The following PAK3 variants were observed in gnomAD, a reference collection of about 807,000 sequenced individuals.
PAK3 encodes p21 (RAC1) activated kinase 3.
In PAK3, 4 loss-of-function variants were observed where a neutral mutation model predicts 41.0. That is an observed-to-expected ratio of 0.10 (90% confidence interval 0.05 to 0.22). The LOEUF (loss-of-function observed/expected upper bound fraction) is 0.22. Among genes scored for constraint, PAK3 ranks in the 10% least tolerant of loss-of-function variants. The pLI, the probability that PAK3 is intolerant of heterozygous loss-of-function variation, is 1.00. For synonymous variants in PAK3, 146 were observed against 139.6 expected (o/e 1.05, Z -0.32); for missense variants, 205 against 409.9 (o/e 0.50, Z 4.32).
At chrX:111,131,726 G>A (rs1487207300) in intron 5 of PAK3, among the ~76,000 whole-genome samples, 2 of 111,977 alleles carry the variant, frequency 1.8e-5, no homozygotes, top group Non-Finnish European at 3.8e-5. Flanking sequence ...CCCCCAAACA[G>A]GATGTTTGTT....
At chrX:110,963,348 A>G (rs1028582684) in intron 1 of PAK3, among the ~76,000 whole-genome samples, 1 of 112,126 alleles carries the variant, frequency 8.9e-6, no homozygotes, top group Non-Finnish European at 1.9e-5. Context: ...CTTTGTTCTC[A>G]GGGCAGCTTA....
At chrX:111,165,690 A>G (rs1276857610) in intron 10 of PAK3, among the ~76,000 whole-genome samples, 1 of 112,675 alleles carries the variant, frequency 8.9e-6, no homozygotes, top group African/African-American at 3.2e-5. Context: ...ATGTGATTAT[A>G]TCAGATTTTA....
At chrX:111,188,799 A>G (rs1007109625) in intron 11 of PAK3, among the ~76,000 whole-genome samples, 8 of 112,525 alleles carry the variant, frequency 7.1e-5, no homozygotes, top group African/African-American at 2.3e-4. Context: ...GTAATTCTCT[A>G]CAGCCCTGTG....
chrX:111,051,397 G>T (rs914209568), intron 1 of PAK3, among the ~76,000 whole-genome samples: 2 of 111,999 alleles, frequency 1.8e-5, no homozygotes, highest in Non-Finnish European at 3.8e-5. Context: ...TTCACTGGAA[G>T]AATTTAATTT....
intron 7 of PAK3, among the ~76,000 whole-genome samples, chrX:111,151,583 A>T (rs2094027013): frequency 1.8e-5 from 2 of 112,048 alleles, no homozygotes; most frequent in South Asian, 7.5e-4. Flanking sequence ...CCACTTATCC[A>T]TGTGGAATAT....
intron 1 of PAK3, among the ~76,000 whole-genome samples, chrX:111,078,271 G>T (rs1248892335): frequency 4.1e-4 from 39 of 94,612 alleles, no homozygotes; most frequent in African/African-American, 9.9e-4. Flanking sequence ...GTTTTGTTTT[G>T]TTTTTTTTTT....
At chrX:111,172,333 C>G (rs781656909) in intron 10 of PAK3, among the ~76,000 whole-genome samples, 3 of 111,602 alleles carry the variant, frequency 2.7e-5, no homozygotes, top group Non-Finnish European at 5.7e-5. Context: ...TGAGCCTGAG[C>G]ACATTTTTGT....
chrX:111,085,154 T>G (rs1340776387), intron 1 of PAK3, among the ~76,000 whole-genome samples: 1 of 112,288 alleles, frequency 8.9e-6, no homozygotes, highest in Admixed American at 9.5e-5. Context: ...TTTGATTGTT[T>G]AAACACGACA....
At chrX:111,181,278 A>G (rs1603358464) in intron 11 of PAK3, among the ~76,000 whole-genome samples, 1 of 88,685 alleles carries the variant, frequency 1.1e-5, no homozygotes, top group Non-Finnish European at 2.0e-5. Flanking sequence ...CTATGCAGCT[A>G]TGTTTGACAG....
chrX:111,021,442 A>C (rs1296074341), intron 1 of PAK3, among the ~76,000 whole-genome samples: 1 of 111,890 alleles, frequency 8.9e-6, no homozygotes, highest in East Asian at 2.8e-4. Context: ...AGCAAAAACA[A>C]ATCACTACAG....
intron 1 of PAK3, among the ~76,000 whole-genome samples, chrX:111,057,371 C>A (rs2092613306): frequency 8.9e-6 from 1 of 111,780 alleles, no homozygotes; most frequent in Admixed American, 9.5e-5. Context: ...AATTAAGGTT[C>A]CATGTCTGTT....
intron 16 of PAK3, among the ~76,000 whole-genome samples, chrX:111,197,805 G>A (rs1370259836): frequency 9.0e-6 from 1 of 111,004 alleles, no homozygotes; most frequent in Admixed American, 9.5e-5. Context: ...CAAGTGATTA[G>A]TGCCTCAGCC....
At chrX:110,973,233 G>A (rs1052777776) in intron 1 of PAK3, among the ~76,000 whole-genome samples, 1 of 111,262 alleles carries the variant, frequency 9.0e-6, no homozygotes, top group African/African-American at 3.3e-5. Context: ...GATACTCCTA[G>A]AGAAGAGCAA....
chrX:111,214,264 G>T (rs1247696418), intron 16 of PAK3, among the ~76,000 whole-genome samples: 2 of 111,926 alleles, frequency 1.8e-5, no homozygotes, highest in East Asian at 2.8e-4. Context: ...GAGTTATTAT[G>T]TGTGAATTGG....
rs112477053 is a variant in PAK3 at position 111,216,357 on chromosome X, G to A, written c.1408-64G>A. The A allele has an allele frequency of 0.011, 9,013 of 849,246 alleles. 502 individuals carry two copies. The African/African-American group carries it at 0.15, about 15-fold the overall frequency. 70.0% of individuals were successfully genotyped at this position (849,246 alleles called of 1,213,427 possible). ...AACCAGAAGAAACTGGATTTTTGCCGTCTGTGCCAAGCCATGATTTTAATA... is the reference window on the plus strand; with the variant it reads ...AACCAGAAGAAACTGGATTTTTGCCATCTGTGCCAAGCCATGATTTTAATA... On this transcript the variant is annotated intron_variant, in intron 16 of 17. Coordinates refer to ENST00000372007, the MANE Select transcript of PAK3 (RefSeq NM_002578.5).
chrX:111,019,951 C>T (rs2092152604), intron 1 of PAK3, among the ~76,000 whole-genome samples: 1 of 111,356 alleles, frequency 9.0e-6, no homozygotes, highest in Non-Finnish European at 1.9e-5. Context: ...AATAGGAACT[C>T]ATGTGCATTG....
At chrX:110,988,439 TAA>T (rs1173994245) in intron 1 of PAK3, among the ~76,000 whole-genome samples, 1 of 112,312 alleles carries the variant, frequency 8.9e-6, no homozygotes, top group African/African-American at 3.2e-5. Flanking sequence ...ATTTTAAATA[TAA>T]AGACAGTTAT....
chrX:110,953,147 C>T (rs1413536725), intron 1 of PAK3, among the ~76,000 whole-genome samples: 1 of 111,483 alleles, frequency 9.0e-6, no homozygotes, highest in Non-Finnish European at 1.9e-5. Flanking sequence ...GTTTTTTTAA[C>T]TCTGATTAGA....
At chrX:111,041,848 A>G (rs900603441) in intron 1 of PAK3, among the ~76,000 whole-genome samples, 2 of 111,692 alleles carry the variant, frequency 1.8e-5, no homozygotes, top group Non-Finnish European at 3.8e-5. Context: ...TTGAGATTGT[A>G]TTACTACTCA....
Sources: allele counts gnomAD v4.1 joint callset (sites outside exome capture counted in the v4.1 genomes callset), GRCh38; gene constraint gnomAD v4.1.1; transcripts MANE v1.5; gene names NCBI Gene and HGNC (gene_info 2026-07-23, HGNC 2026-07-21).